The following ERAP1 variants were observed in gnomAD, a reference collection of about 807,000 sequenced individuals.
ERAP1 encodes adipocyte-derived leucine aminopeptidase.
A neutral mutation model predicts 103.7 loss-of-function variants in ERAP1; 86 were observed. That is an observed-to-expected ratio of 0.83 (90% CI 0.70 to 0.99). The LOEUF (loss-of-function observed/expected upper bound fraction) is 0.99. Ranked by LOEUF, ERAP1 falls within the 50% of genes least tolerant of loss-of-function variation. The pLI is 0.00. For missense variants in ERAP1, 1,009 were observed against 1,128.4 expected (o/e 0.89, Z 1.52); for synonymous variants, 398 against 402.4 (o/e 0.99, Z 0.13).
At chr5:96,767,424 G>A in intron 19 of ERAP1, 1 of 1,608,156 alleles carries the variant, frequency 6.2e-7, no homozygotes, top group Non-Finnish European at 8.5e-7. Flanking sequence ...CCAATAGTCT[G>A]CCTTCTTTTT....
the ERAP1 span, among the ~76,000 whole-genome samples, chr5:96,933,634 A>T: frequency 1.3e-5 from 2 of 152,204 alleles, no homozygotes; most frequent in Non-Finnish European, 2.9e-5. Flanking sequence ...TTTCACACTT[A>T]AAAGCATGAT....
the ERAP1 span, chr5:96,886,882 T>A: frequency 8.6e-7 from 1 of 1,166,526 alleles, no homozygotes; most frequent in Non-Finnish European, 1.1e-6. Context: ...GTTATCAAAG[T>A]ATTATGTTTA....
Position 96,784,096 on chromosome 5 carries a change from T to C in ERAP1, c.1944-16A>G. The C allele has an allele frequency of 6.2e-7, 1 of 1,613,876 alleles. No homozygotes were observed. The highest frequency in any genetic ancestry group is 8.5e-7 in the Non-Finnish European group (1 of 1,179,814). On this transcript the variant is annotated splice_polypyrimidine_tract_variant and intron_variant, in intron 13 of 18. Transcript: ENST00000443439. ...CTTCCCAATGCTGACCAAGAGACAC[T>C]GTGGTTAGTGGTTTAAAAGTAAATC...
chr5:96,850,383 G>T, the ERAP1 span, among the ~76,000 whole-genome samples: 1 of 152,046 alleles, frequency 6.6e-6, no homozygotes, highest in Non-Finnish European at 1.5e-5. Flanking sequence ...AAATCAAGCT[G>T]CTCAATAATA....
At chr5:96,869,667 G>A in the ERAP1 span, among the ~76,000 whole-genome samples, 1 of 152,236 alleles carries the variant, frequency 6.6e-6, no homozygotes, top group African/African-American at 2.4e-5. Flanking sequence ...GAAACGAAGA[G>A]TGTTGAATTA....
the ERAP1 span, among the ~76,000 whole-genome samples, chr5:96,819,520 T>C: frequency 6.6e-6 from 1 of 152,188 alleles, no homozygotes; most frequent in African/African-American, 2.4e-5. Context: ...TTTGTGTGTG[T>C]GTGAGAGAGA....
chr5:96,845,513 G>T, the ERAP1 span, among the ~76,000 whole-genome samples: 1 of 152,078 alleles, frequency 6.6e-6, no homozygotes. Flanking sequence ...GGAATTATAG[G>T]TGGGGATCCA....
the ERAP1 span, among the ~76,000 whole-genome samples, chr5:96,833,898 G>A: frequency 3.3e-5 from 5 of 151,678 alleles, no homozygotes; most frequent in Admixed American, 6.6e-5. Context: ...TCCTGTCCAC[G>A]TATCTTTGTC....
At chr5:96,914,696 T>C in the ERAP1 span, among the ~76,000 whole-genome samples, 1 of 152,196 alleles carries the variant, frequency 6.6e-6, no homozygotes, top group East Asian at 1.9e-4. Flanking sequence ...TGACCTGTAG[T>C]ACAAGTTTTC....
At chr5:96,881,872 A>G in the ERAP1 span, among the ~76,000 whole-genome samples, 1 of 152,252 alleles carries the variant, frequency 6.6e-6, no homozygotes, top group Non-Finnish European at 1.5e-5. Flanking sequence ...AGAATGAGTC[A>G]TAGCCTCACC....
the ERAP1 span, among the ~76,000 whole-genome samples, chr5:96,817,809 A>G: frequency 6.6e-6 from 1 of 152,210 alleles, no homozygotes; most frequent in Non-Finnish European, 1.5e-5. Flanking sequence ...CTGTCTCCCT[A>G]CCGAACTCAA....
rs1297278986 is a variant in ERAP1, at chr5:96,776,017, TA to T, written c.*378del. On this transcript the variant is annotated 3_prime_UTR_variant, in exon 19 of 19. Transcript: ENST00000443439. ...TCAGATCCAGGTGTTCATTGTTCAGTAGTCGACTATTCAGAGTCTTTCGAGG... is the reference window on the plus strand; with the variant it reads ...TCAGATCCAGGTGTTCATTGTTCAGTGTCGACTATTCAGAGTCTTTCGAGG... 1 of 1,131,242 alleles carries T rather than the reference TA, an allele frequency of 8.8e-7. No homozygotes were observed. The highest frequency in any genetic ancestry group is 1.1e-6 in the Non-Finnish European group (1 of 911,112). The allele number at this position is 1,131,242 out of a possible 1,614,324, so 70.1% of individuals were successfully genotyped here.
At chr5:96,879,663 T>C in the ERAP1 span, 1 of 1,600,490 alleles carries the variant, frequency 6.2e-7, no homozygotes, top group Non-Finnish European at 8.6e-7. Context: ...GGATATTAAC[T>C]TGTCTTCTAG....
At chr5:96,902,990 A>G in the ERAP1 span, among the ~76,000 whole-genome samples, 3,599 of 152,320 alleles carry the variant, frequency 0.024, 55 homozygotes, top group Non-Finnish European at 0.036. Context: ...AAATGAACAA[A>G]TGGATCACCT....
the ERAP1 span, among the ~76,000 whole-genome samples, chr5:96,907,247 A>C: frequency 6.6e-6 from 1 of 152,226 alleles, no homozygotes; most frequent in East Asian, 1.9e-4. Context: ...TAGGGTTAGT[A>C]ATGAGGACTT....
chr5:96,780,783 G>A (rs1775052859), intron 17 of ERAP1, among the ~76,000 whole-genome samples: 2 of 152,168 alleles, frequency 1.3e-5, no homozygotes, highest in Non-Finnish European at 2.9e-5. Flanking sequence ...TTCATGGAAG[G>A]CCTGGGCTGA....
chr5:96,784,770 C>G (rs1434678808), intron 13 of ERAP1: 1 of 152,928 alleles, frequency 6.5e-6, no homozygotes, highest in Non-Finnish European at 1.5e-5. Flanking sequence ...CTGGAGGAAA[C>G]ACATTTTCTT....
the ERAP1 span, among the ~76,000 whole-genome samples, chr5:96,860,348 C>A: frequency 6.6e-6 from 1 of 152,074 alleles, no homozygotes; most frequent in Admixed American, 6.5e-5. Flanking sequence ...GCCACTACAC[C>A]CAGCCCTGTC....
chr5:96,788,669 C>A lies in ERAP1; in HGVS notation c.1541G>T (p.Gly514Val). 1.9e-6 allele frequency: 3 copies of A among 1,614,104 alleles called. No homozygotes were observed. The South Asian group carries it at 3.3e-5, about 18-fold the overall frequency. Reference sequence around the variant, plus strand: ...GTTCATCATGGTTTTCACATCCACCCCTTCCTGATGCCAATGCTGGTGTGT... The same window carrying A: ...GTTCATCATGGTTTTCACATCCACCACTTCCTGATGCCAATGCTGGTGTGT... ...SSSSSHWHQE[G>V]VDVKTMMNTW... Residue 514 changes from glycine to valine, a missense_variant, in exon 11 of 19, where the codon GGG (glycine) becomes GTG (valine). Coordinates refer to ENST00000443439, the MANE Select transcript of ERAP1 (RefSeq NM_001040458.3).
Sources: gnomAD v4.1 joint callset for allele counts (sites outside exome capture counted in the v4.1 genomes callset) on GRCh38, gnomAD v4.1.1 for gene constraint, MANE v1.5 for transcripts, NCBI Gene and HGNC (gene_info 2026-07-23, HGNC 2026-07-21) for gene names.